LRSAM1: variants seen among roughly 807,000 people sequenced by gnomAD.
The protein encoded by LRSAM1 is leucine rich repeat and sterile alpha motif containing 1, also known as E3 ubiquitin-protein ligase LRSAM1.
In LRSAM1, 96 loss-of-function variants were observed where a neutral mutation model predicts 118.1. The observed-to-expected ratio is 0.81, with a 90% confidence interval of 0.69 to 0.96. The LOEUF is 0.96. Ranked by LOEUF, LRSAM1 falls within the 40% of genes least tolerant of loss-of-function variation. The pLI is 0.00. For missense variants in LRSAM1, 804 were observed against 915.5 expected (o/e 0.88, Z 1.57); for synonymous variants, 322 against 364.2 (o/e 0.88, Z 1.32).
chr9:127,454,984 C>T lies in LRSAM1; in HGVS notation c.73-14C>T, dbSNP rs746055151. ...TTTGTCTTAATACTTTTTAAAAATT[C>T]TTTTTATCCTTAGGCAAAAGAAGCT... On this transcript the variant is annotated splice_polypyrimidine_tract_variant and intron_variant, in intron 3 of 25. Coordinates refer to ENST00000300417, the MANE Select transcript of LRSAM1 (RefSeq NM_001005373.4). 1 of 1,613,622 alleles carries T rather than the reference C, an allele frequency of 6.2e-7. No homozygotes were observed. The highest frequency in any genetic ancestry group is 1.1e-5 in the South Asian group (1 of 91,054).
intron 8 of LRSAM1, among the ~76,000 whole-genome samples, chr9:127,461,683 C>T (rs947793424): frequency 2.6e-5 from 4 of 152,170 alleles, no homozygotes; most frequent in Non-Finnish European, 5.9e-5. Flanking sequence ...AGTTTACACA[C>T]GAGGAAAACA....
At chr9:127,473,029 G>A (rs1835230522) in intron 10 of LRSAM1, among the ~76,000 whole-genome samples, 1 of 152,146 alleles carries the variant, frequency 6.6e-6, no homozygotes, top group South Asian at 2.1e-4. Flanking sequence ...TTCACAACCT[G>A]CGTAACATGA....
intron 24 of LRSAM1, 126 bp downstream of exon 24, chr9:127,497,460 G>C: frequency 1.0e-6 from 1 of 979,084 alleles, no homozygotes; most frequent in East Asian, 2.7e-5. Context: ...CTGCTGGTCG[G>C]TAAGGTTTCC....
intron 10 of LRSAM1, among the ~76,000 whole-genome samples, chr9:127,470,535 A>G (rs1175410953): frequency 3.9e-5 from 6 of 152,110 alleles, no homozygotes; most frequent in Non-Finnish European, 8.8e-5. Context: ...GGAAATGCAT[A>G]TGAATAAATG....
intron 25 of LRSAM1, among the ~76,000 whole-genome samples, chr9:127,502,182 C>T (rs975258719): frequency 2.0e-5 from 3 of 152,344 alleles, no homozygotes; most frequent in Admixed American, 1.3e-4. Context: ...CTGTCCAGAG[C>T]GCAGGAATAT....
chr9:127,457,250 C>G, intron 5 of LRSAM1, 66 bp from the exon 6 acceptor site: 1 of 1,585,254 alleles, frequency 6.3e-7, no homozygotes, highest in Non-Finnish European at 8.6e-7. Flanking sequence ...CTGGCTCCCA[C>G]GCCCTTAGCC....
intron 9 of LRSAM1, among the ~76,000 whole-genome samples, chr9:127,462,640 T>G (rs975716426): frequency 1.3e-5 from 2 of 151,942 alleles, no homozygotes; most frequent in Non-Finnish European, 2.9e-5. Flanking sequence ...TTTAAGAAAG[T>G]TGTCGGTAGG....
At chr9:127,499,584 G>T (rs987724489) in intron 24 of LRSAM1, among the ~76,000 whole-genome samples, 4 of 151,794 alleles carry the variant, frequency 2.6e-5, no homozygotes, top group South Asian at 2.1e-4. Flanking sequence ...TGGTGGTTTG[G>T]GGGGAAGCAC....
chr9:127,478,805 T>G, intron 11 of LRSAM1, 129 bp from the exon 12 acceptor site: 1 of 874,824 alleles, frequency 1.1e-6, no homozygotes, highest in Non-Finnish European at 1.9e-6. Context: ...GACCCCACCA[T>G]TCTGAGGCAG....
chr9:127,481,306 G>A (rs2132068310), intron 15 of LRSAM1, 79 bp downstream of exon 15: 3 of 1,494,562 alleles, frequency 2.0e-6, no homozygotes, highest in Non-Finnish European at 2.8e-6. Flanking sequence ...AGGCTGGAGT[G>A]CAGTGGCACA....
intron 23 of LRSAM1, 28 bp from the exon 24 acceptor site, chr9:127,497,225 C>G (rs1220139988): frequency 1.2e-6 from 2 of 1,611,778 alleles, no homozygotes; most frequent in African/African-American, 2.7e-5. Context: ...GCCCAGGCCA[C>G]AGTCTGCACT....
At chr9:127,458,349 T>C (rs1834601830) in intron 6 of LRSAM1, among the ~76,000 whole-genome samples, 1 of 148,022 alleles carries the variant, frequency 6.8e-6, no homozygotes, top group Non-Finnish European at 1.5e-5. Flanking sequence ...GCCACTGCAG[T>C]CCGCAGTCCG....
intron 19 of LRSAM1, among the ~76,000 whole-genome samples, chr9:127,490,061 A>AC (rs1430138510): frequency 6.8e-6 from 1 of 147,898 alleles, no homozygotes; most frequent in South Asian, 2.2e-4. Context: ...GATACCCCCC[A>AC]CCCCCCGCAG....
At chr9:127,453,071 C>CTTTATTTA (rs142386230) in intron 2 of LRSAM1, among the ~76,000 whole-genome samples, 2 of 152,068 alleles carry the variant, frequency 1.3e-5, no homozygotes, top group African/African-American at 4.8e-5. Context: ...TACTTCTTCA[C>CTTTATTTA]TTTATTTATT....
chr9:127,497,088 G>A (rs181088879), intron 23 of LRSAM1, among the ~76,000 whole-genome samples, 165 bp from the exon 24 acceptor site: 48 of 152,354 alleles, frequency 3.2e-4, no homozygotes, highest in African/African-American at 6.7e-4. Flanking sequence ...CTATGGTGCC[G>A]CACTGCCTCA....
chr9:127,479,842 C>G lies in LRSAM1; in HGVS notation c.907C>G (p.Gln303Glu). Residue 303 changes from glutamine (Q) to glutamate (E), a missense_variant, in exon 14 of 26, where the codon CAG (glutamine) becomes GAG (glutamate). By Grantham distance (29) the Gln-to-Glu change is conservative. Coordinates refer to ENST00000300417, the MANE Select transcript of LRSAM1 (RefSeq NM_001005373.4). ...DEILQTVKEE[Q>E]SRLEQGLSEH... The stretch of plus-strand genomic sequence containing the variant: ...GGACCCCTACCTCCGGCTGCAGGAG[C>G]AGTCCCGGCTGGAGCAGGGCCTGAG... The G allele has an allele frequency of 6.2e-7, 1 of 1,611,718 alleles. No homozygotes were observed. Among genetic ancestry groups the G allele is most frequent in the East Asian group, 2.2e-5 (1 of 44,850 alleles).
chr9:127,487,045 G>T lies in LRSAM1; in HGVS notation c.1260-631G>T, dbSNP rs747224064. Among the ~76,000 whole-genome samples, 4 of 151,964 alleles carry T rather than the reference G, an allele frequency of 2.6e-5. No individual in the cohort carries two copies. The East Asian group carries it at 7.7e-4, about 29-fold the overall frequency. ...TAAAAATACAAACAATTAGCCAAAC[G>T]TAGCAGTGGGCGCCTGTAATCCCAG... On this transcript the variant is annotated intron_variant, in intron 17 of 25. Transcript: ENST00000300417.
chr9:127,500,943 A>G (rs1588142793), intron 24 of LRSAM1, 67 bp from the exon 25 acceptor site: 8 of 1,611,022 alleles, frequency 5.0e-6, no homozygotes, highest in East Asian at 4.5e-5. Flanking sequence ...CAGGGCCACA[A>G]TGAGCCCCCA....
chr9:127,489,684 C>G (rs1382448355), intron 19 of LRSAM1, among the ~76,000 whole-genome samples, 166 bp downstream of exon 19: 1 of 152,204 alleles, frequency 6.6e-6, no homozygotes, highest in Non-Finnish European at 1.5e-5. Context: ...TGCTCCCAGC[C>G]TTGTGTCGGG....
Sources: allele counts gnomAD v4.1 joint callset (sites outside exome capture counted in the v4.1 genomes callset), GRCh38; gene constraint gnomAD v4.1.1; transcripts MANE v1.5; gene names NCBI Gene and HGNC (gene_info 2026-07-23, HGNC 2026-07-21).